EFCAB6: variants seen among roughly 807,000 people sequenced by gnomAD.
The protein encoded by EFCAB6 is EF-hand calcium-binding domain-containing protein 6.
Under a neutral mutation model 169.8 loss-of-function variants are expected in EFCAB6, and 156 were observed. The ratio of observed to expected loss-of-function variants is 0.92; its 90% confidence interval spans 0.81 to 1.05. EFCAB6 has a LOEUF of 1.05. Among genes scored for constraint, EFCAB6 ranks in the 50% least tolerant of loss-of-function variants. The pLI, the probability that EFCAB6 is intolerant of heterozygous loss-of-function variation, is 0.00. For synonymous variants in EFCAB6, 698 were observed against 676.4 expected (o/e 1.03, Z -0.50); for missense variants, 1,800 against 1,829.1 (o/e 0.98, Z 0.29).
chr22:43,562,133 C>A, intron 26 of EFCAB6, among the ~76,000 whole-genome samples: 1 of 152,304 alleles, frequency 6.6e-6, no homozygotes, highest in South Asian at 2.1e-4. Context: ...GAACCATTTA[C>A]GTGTTTTCAA....
chr22:43,670,148 C>A (rs562360052), intron 15 of EFCAB6, among the ~76,000 whole-genome samples: 1 of 152,148 alleles, frequency 6.6e-6, no homozygotes, highest in African/African-American at 2.4e-5. Context: ...ACCTCATTAT[C>A]GTCCAACAAA....
At chr22:43,676,245 G>A (rs1383391047) in intron 13 of EFCAB6, among the ~76,000 whole-genome samples, 12 of 151,784 alleles carry the variant, frequency 7.9e-5, no homozygotes, top group African/African-American at 1.9e-4. Flanking sequence ...GTGAAACCCC[G>A]TCTCTACTAA....
intron 18 of EFCAB6, 40 bp from the exon 19 acceptor site, chr22:43,632,278 A>G (rs776797057): frequency 1.3e-5 from 20 of 1,537,508 alleles, no homozygotes; most frequent in Non-Finnish European, 1.8e-5. Context: ...ATTAGTGCCC[A>G]TCAGCTTCAT....
chr22:43,566,437 CCA>C (rs2049434606), intron 26 of EFCAB6, among the ~76,000 whole-genome samples: 1 of 152,212 alleles, frequency 6.6e-6, no homozygotes, highest in Non-Finnish European at 1.5e-5. Context: ...AAAACTGACC[CCA>C]GAGTACCAGT....
intron 11 of EFCAB6, among the ~76,000 whole-genome samples, chr22:43,686,888 T>A (rs1440628561): frequency 6.6e-6 from 1 of 152,110 alleles, no homozygotes; most frequent in Non-Finnish European, 1.5e-5. Flanking sequence ...TTCTAAAATT[T>A]CATATTATTA....
chr22:43,790,105 C>A (rs1301441269), intron 2 of EFCAB6, among the ~76,000 whole-genome samples: 1 of 152,112 alleles, frequency 6.6e-6, no homozygotes, highest in Non-Finnish European at 1.5e-5. Context: ...ACTTTGCTTT[C>A]CCTCTCTGGG....
intron 2 of EFCAB6, among the ~76,000 whole-genome samples, chr22:43,799,692 G>A (rs554300325): frequency 1.6e-3 from 238 of 152,264 alleles, no homozygotes; most frequent in African/African-American, 5.4e-3. Context: ...AAGCAAGCTG[G>A]CTTCACTCTC....
intron 17 of EFCAB6, 83 bp downstream of exon 17, chr22:43,667,021 G>C: frequency 6.8e-7 from 1 of 1,467,796 alleles, no homozygotes; most frequent in South Asian, 1.4e-5. Flanking sequence ...CCTGGGATAA[G>C]CCATTGTCCT....
chr22:43,758,900 C>A (rs1001084731), intron 5 of EFCAB6, among the ~76,000 whole-genome samples: 4 of 152,172 alleles, frequency 2.6e-5, no homozygotes, highest in African/African-American at 7.2e-5. Context: ...CATACAAATT[C>A]AAGATGTTTT....
chr22:43,580,483 G>A lies in EFCAB6; in HGVS notation c.3209C>T (p.Ser1070Phe). The A allele has an allele frequency of 6.2e-7, 1 of 1,614,098 alleles. No homozygotes were observed. The highest frequency in any genetic ancestry group is 8.5e-7 in the Non-Finnish European group (1 of 1,180,024). Residue 1070 changes from serine to phenylalanine, a missense_variant, in exon 25 of 32, where the codon TCC becomes TTC. By Grantham distance (155) the Ser-to-Phe change is radical. Coordinates refer to ENST00000262726, the MANE Select transcript of EFCAB6 (RefSeq NM_022785.4). ...TCATACCGTGGACAAAGCCAGCTGG[G>A]AGGACTCAACTACTTCCTGGATCTT... ...VRKIQEVVESSQLALSTAFSA... is the reference protein window; with the variant it reads ...VRKIQEVVESFQLALSTAFSA...
In EFCAB6 at chr22:43,534,835, C is replaced by G; in HGVS notation, c.4086G>C (p.Glu1362Asp). ...ATTTTATAATGAGCTGCTGACACTC[C>G]TCTTTGCTTATGTCCAGGTTGAATT... ...VEKFNLDISK[E>D]ECQQLIIKYD... is the part of the protein sequence containing the mutation. Residue 1362 changes from glutamate (E) to aspartate (D), a missense_variant, in exon 30 of 32, where the codon GAG becomes GAC. Transcript: ENST00000262726. 6.2e-7 allele frequency: 1 copy of G among 1,611,178 alleles called. No homozygotes were observed. The highest frequency in any genetic ancestry group is 8.5e-7 in the Non-Finnish European group (1 of 1,179,288).
intron 10 of EFCAB6, among the ~76,000 whole-genome samples, chr22:43,697,672 C>T (rs1001802345): frequency 6.6e-6 from 1 of 152,146 alleles, no homozygotes; most frequent in African/African-American, 2.4e-5. Flanking sequence ...TTATTTTGCT[C>T]CTAAAAGTGT....
At chr22:43,657,421 C>T (rs1033536725) in intron 17 of EFCAB6, among the ~76,000 whole-genome samples, 7 of 148,952 alleles carry the variant, frequency 4.7e-5, no homozygotes, top group Non-Finnish European at 1.5e-5. Flanking sequence ...ACTTTAAAAT[C>T]AATCATTAAA....
chr22:43,774,800 T>G (rs1603355803), intron 3 of EFCAB6, among the ~76,000 whole-genome samples: 1 of 146,842 alleles, frequency 6.8e-6, no homozygotes. Context: ...GGGATGGGGG[T>G]GGGGACAAGC....
intron 23 of EFCAB6, among the ~76,000 whole-genome samples, chr22:43,596,622 T>C (rs2052030968): frequency 6.6e-6 from 1 of 152,108 alleles, no homozygotes; most frequent in Admixed American, 6.6e-5. Flanking sequence ...AATGAAATGA[T>C]ATCCCTTGCT....
At chr22:43,672,956 A>G (rs2057559050) in intron 13 of EFCAB6, among the ~76,000 whole-genome samples, 2 of 152,232 alleles carry the variant, frequency 1.3e-5, no homozygotes, top group Admixed American at 1.3e-4. Flanking sequence ...TCACCTAGAA[A>G]TTAAATAAAT....
intron 17 of EFCAB6, among the ~76,000 whole-genome samples, chr22:43,638,222 C>T (rs1439717715): frequency 6.6e-6 from 1 of 152,226 alleles, no homozygotes; most frequent in African/African-American, 2.4e-5. Context: ...AGCAGCAAAT[C>T]AACCAGATTT....
intron 23 of EFCAB6, among the ~76,000 whole-genome samples, chr22:43,593,760 G>A (rs1404627926): frequency 3.3e-5 from 5 of 152,284 alleles, no homozygotes; most frequent in Non-Finnish European, 7.4e-5. Context: ...GTGGGACAGA[G>A]AGTGAATCTT....
At chr22:43,659,845 G>C (rs1403655588) in intron 17 of EFCAB6, among the ~76,000 whole-genome samples, 1 of 152,198 alleles carries the variant, frequency 6.6e-6, no homozygotes, top group Non-Finnish European at 1.5e-5. Context: ...TCTGCACAGA[G>C]GAAGAAGGAA....
Sources: gnomAD v4.1 joint callset for allele counts (sites outside exome capture counted in the v4.1 genomes callset) on GRCh38, gnomAD v4.1.1 for gene constraint, MANE v1.5 for transcripts, NCBI Gene and HGNC (gene_info 2026-07-23, HGNC 2026-07-21) for gene names.